The following ROCK2 variants were observed in gnomAD, a reference collection of about 807,000 sequenced individuals.
ROCK2 encodes rho-associated protein kinase 2.
A neutral mutation model predicts 195.1 loss-of-function variants in ROCK2; 61 were observed. That is an observed-to-expected ratio of 0.31 (90% CI 0.25 to 0.39). The LOEUF (loss-of-function observed/expected upper bound fraction) is 0.39. Ranked by LOEUF, ROCK2 falls within the 10% of genes least tolerant of loss-of-function variation. ROCK2 has a pLI of 1.00. For missense variants in ROCK2, 1,109 were observed against 1,637.4 expected (o/e 0.68, Z 5.57); for synonymous variants, 504 against 545.5 (o/e 0.92, Z 1.06).
intron 3 of ROCK2, among the ~76,000 whole-genome samples, chr2:11,280,092 A>G (rs2148181896): frequency 6.6e-6 from 1 of 152,326 alleles, no homozygotes; most frequent in East Asian, 1.9e-4. Context: ...AACTAGAAAC[A>G]GAAGAAACAA....
At chr2:11,314,010 G>C (rs1668116852) in intron 1 of ROCK2, among the ~76,000 whole-genome samples, 1 of 151,732 alleles carries the variant, frequency 6.6e-6, no homozygotes, top group South Asian at 2.1e-4. Flanking sequence ...AACACTCTTT[G>C]ATACTCAGAT....
At chr2:11,288,526 T>C (rs1667267402) in intron 1 of ROCK2, among the ~76,000 whole-genome samples, 2 of 152,196 alleles carry the variant, frequency 1.3e-5, no homozygotes, top group Non-Finnish European at 2.9e-5. Flanking sequence ...TACATGACTT[T>C]GATTTCCTCA....
chr2:11,220,822 A>G (rs1664613781), intron 9 of ROCK2, among the ~76,000 whole-genome samples: 1 of 152,094 alleles, frequency 6.6e-6, no homozygotes, highest in Non-Finnish European at 1.5e-5. Context: ...CCCCAAAGAG[A>G]TGACTTCTAT....
intron 27 of ROCK2, among the ~76,000 whole-genome samples, chr2:11,195,663 C>A (rs117961373): frequency 6.6e-6 from 1 of 152,042 alleles, no homozygotes; most frequent in African/African-American, 2.4e-5. Flanking sequence ...TACAGGCACG[C>A]GCCAGCACGC....
At chr2:11,299,839 C>T (rs1558373449) in intron 1 of ROCK2, among the ~76,000 whole-genome samples, 1 of 152,190 alleles carries the variant, frequency 6.6e-6, no homozygotes, top group Non-Finnish European at 1.5e-5. Context: ...CACAACTCAT[C>T]CTTACCCAGG....
At chr2:11,211,979 C>T (rs996612187) in intron 17 of ROCK2, 139 bp from the exon 18 acceptor site, 5 of 572,776 alleles carry the variant, frequency 8.7e-6, no homozygotes, top group Non-Finnish European at 1.4e-5. Flanking sequence ...GATTATGGCT[C>T]ATTGCAGCCT....
intron 18 of ROCK2, among the ~76,000 whole-genome samples, chr2:11,211,341 T>C (rs1052494747): frequency 5.9e-5 from 9 of 152,158 alleles, no homozygotes; most frequent in Admixed American, 2.0e-4. Context: ...GTATACAGCG[T>C]GTGAAGTTCA....
At chr2:11,196,312 A>G (rs1663634439) in intron 27 of ROCK2, among the ~76,000 whole-genome samples, 1 of 152,218 alleles carries the variant, frequency 6.6e-6, no homozygotes, top group African/African-American at 2.4e-5. Flanking sequence ...AGTACTCAGT[A>G]AAAACCTTAA....
chr2:11,264,673 T>A (rs1486679896), intron 3 of ROCK2, among the ~76,000 whole-genome samples: 1 of 152,146 alleles, frequency 6.6e-6, no homozygotes, highest in Non-Finnish European at 1.5e-5. Context: ...TAAACTGTAT[T>A]TAAAGTCACA....
chr2:11,320,057 A>C (rs1668354039), intron 1 of ROCK2, among the ~76,000 whole-genome samples: 1 of 152,108 alleles, frequency 6.6e-6, no homozygotes, highest in Non-Finnish European at 1.5e-5. Context: ...TGGGATAGCA[A>C]GCACCAACAC....
intron 5 of ROCK2, among the ~76,000 whole-genome samples, chr2:11,230,579 A>G (rs1664971091): frequency 6.6e-6 from 1 of 152,180 alleles, no homozygotes; most frequent in African/African-American, 2.4e-5. Context: ...TCATGTGACA[A>G]GCTAAGGAGT....
intron 5 of ROCK2, among the ~76,000 whole-genome samples, chr2:11,231,230 G>C (rs1477103820): frequency 1.3e-5 from 2 of 149,864 alleles, no homozygotes; most frequent in Non-Finnish European, 3.0e-5. Context: ...TTGAGACAGA[G>C]TCTCGCTTTG....
At chr2:11,194,811 CAT>C (rs1225075285) in intron 28 of ROCK2, 142 bp downstream of exon 28, 9 of 415,350 alleles carry the variant, frequency 2.2e-5, no homozygotes, top group African/African-American at 1.6e-4. Context: ...TAAATAAAAT[CAT>C]ATCATTTCAA....
chr2:11,310,319 C>T (rs1667993249), intron 1 of ROCK2, among the ~76,000 whole-genome samples: 1 of 152,022 alleles, frequency 6.6e-6, no homozygotes. Context: ...GTCTTATTTA[C>T]AATTTTTAAA....
chr2:11,323,158 T>G (rs1443684944), intron 1 of ROCK2, among the ~76,000 whole-genome samples: 1 of 152,210 alleles, frequency 6.6e-6, no homozygotes, highest in South Asian at 2.1e-4. Flanking sequence ...CTTGTCCAAA[T>G]AGCTAACCAA....
intron 1 of ROCK2, among the ~76,000 whole-genome samples, chr2:11,328,134 T>A (rs1164997415): frequency 6.6e-6 from 1 of 152,174 alleles, no homozygotes; most frequent in East Asian, 1.9e-4. Context: ...CTATGAGCCA[T>A]AAACCCCACC....
intron 1 of ROCK2, among the ~76,000 whole-genome samples, chr2:11,303,089 G>A (rs1667756138): frequency 2.0e-5 from 3 of 152,230 alleles, no homozygotes. Flanking sequence ...AAATTAAAAA[G>A]TTAAAGTTCT....
At chr2:11,328,678 CAAT>C (rs1668621857) in intron 1 of ROCK2, among the ~76,000 whole-genome samples, 1 of 152,098 alleles carries the variant, frequency 6.6e-6, no homozygotes, top group Non-Finnish European at 1.5e-5. Flanking sequence ...AAATGTCCAA[CAAT>C]GACAGACTGG....
chr2:11,192,480 T>C lies in ROCK2; in HGVS notation c.3920A>G (p.Lys1307Arg), dbSNP rs779803586. Residue 1307 changes from lysine to arginine, a missense_variant, in exon 31 of 33, where the codon AAA becomes AGA. Transcript: ENST00000315872. The surrounding 1 kb of genome is among the most constrained non-coding windows in gnomAD (Gnocchi z 5.0). ...HIKCHKDHMDKKEEIIAPCKV... is the reference protein window; with the variant it reads ...HIKCHKDHMDRKEEIIAPCKV... ...GCAAGGTGCTATAATCTCCTCCTTT[T>C]TGTCCATATGATCTTTATGACACTT... The C allele has an allele frequency of 1.8e-5, 29 of 1,614,046 alleles. No individual in the cohort carries two copies. Among genetic ancestry groups the C allele is most frequent in the Admixed American group, 3.3e-5 (2 of 60,004 alleles).
Sources: gnomAD v4.1 joint callset for allele counts (sites outside exome capture counted in the v4.1 genomes callset) on GRCh38, gnomAD v4.1.1 for gene constraint, Gnocchi (gnomAD v3.1) non-coding constraint, MANE v1.5 for transcripts, NCBI Gene and HGNC (gene_info 2026-07-23, HGNC 2026-07-21) for gene names.